NRIP1: variants seen among roughly 807,000 people sequenced by gnomAD.
NRIP1 encodes the protein nuclear receptor interacting protein 1.
In NRIP1, 28 loss-of-function variants were observed where a neutral mutation model predicts 75.0. The ratio of observed to expected loss-of-function variants is 0.37; its 90% CI spans 0.28 to 0.51. The LOEUF (loss-of-function observed/expected upper bound fraction) is 0.51. Ranked by LOEUF, NRIP1 falls within the 20% of genes least tolerant of loss-of-function variation. The pLI is 0.92. For synonymous variants in NRIP1, 526 were observed against 487.6 expected (o/e 1.08, Z -1.04); for missense variants, 1,435 against 1,343.7 (o/e 1.07, Z -1.06).
Position 15,047,323 on chromosome 21 carries a change from C to T in NRIP1, c.-537-3749G>A, listed in dbSNP as rs566487442. ...TTGGGAGGCCGAGGCAGGCAGATCA[C>T]GAGGTCAGGAGACAGAGACCATCCT... is the stretch of plus-strand genomic sequence containing the variant. On this transcript the variant is annotated intron_variant, in intron 1 of 3. Coordinates refer to ENST00000318948, the MANE Select transcript of NRIP1 (RefSeq NM_003489.4). Among the ~76,000 whole-genome samples the T allele has an allele frequency of 2.6e-3, 390 of 152,180 alleles. 2 individuals are homozygous for T. The highest frequency in any genetic ancestry group is 8.8e-3 in the African/African-American group (365 of 41,510).
rs370744179 is a variant in NRIP1, at chr21:14,965,988, A to G, written c.2205T>C (p.Asp735=). The G allele has an allele frequency of 1.3e-5, 21 of 1,613,356 alleles. No individual in the cohort carries two copies. The highest frequency in any genetic ancestry group is 6.7e-5 in the African/African-American group (5 of 74,808). ...SEKKEKTPLR[D]ESTQEHSERA... is the part of the protein sequence containing the mutation. The stretch of plus-strand genomic sequence containing the variant: ...TCTCTGAGTGTTCCTGAGTACTTTC[A>G]TCTCTTAAGGGAGTTTTCTCTTTTT... The change falls in exon 4 of 4, where the codon GAT becomes GAC. Residue 735 remains aspartate, a synonymous_variant. Coordinates refer to ENST00000318948, the MANE Select transcript of NRIP1 (RefSeq NM_003489.4).
chr21:15,064,079 CAGA>C (rs1978601859), intron 1 of NRIP1, among the ~76,000 whole-genome samples: 1 of 152,256 alleles, frequency 6.6e-6, no homozygotes, highest in African/African-American at 2.4e-5. Flanking sequence ...AAGGTGGACA[CAGA>C]AGAAGGGAGA....
chr21:15,012,873 A>G (rs540268637), intron 3 of NRIP1, among the ~76,000 whole-genome samples: 1 of 152,322 alleles, frequency 6.6e-6, no homozygotes, highest in East Asian at 1.9e-4. Flanking sequence ...AGTTGGATCC[A>G]GTGAGCATTG....
At position 15,056,737 on chromosome 21, in the gene NRIP1, G is replaced by GA. The variant is rs528123599; in HGVS notation, c.-538+8007dup. Among the ~76,000 whole-genome samples, 10 of 152,158 alleles carry GA rather than the reference G, an allele frequency of 6.6e-5. No homozygotes were observed. The South Asian group carries it at 2.1e-3, about 32-fold the overall frequency. On this transcript the variant is annotated intron_variant, in intron 1 of 3. Transcript: ENST00000318948. Reference sequence around the variant, plus strand: ...GCAACTCAAAATCCAAAGCACCCTAGAAAATATTATGTTTACACGTCTTAT... The same window carrying GA: ...GCAACTCAAAATCCAAAGCACCCTAGAAAAATATTATGTTTACACGTCTTAT...
chr21:14,999,842 C>A (rs1433759389), intron 3 of NRIP1, among the ~76,000 whole-genome samples: 1 of 152,116 alleles, frequency 6.6e-6, no homozygotes. Context: ...AAATTAATAG[C>A]CATAATAACA....
At chr21:14,998,598 A>G (rs944647368) in intron 3 of NRIP1, among the ~76,000 whole-genome samples, 2 of 152,192 alleles carry the variant, frequency 1.3e-5, no homozygotes, top group African/African-American at 4.8e-5. Context: ...GGGTCCACTT[A>G]TAAGCAAATT....
intron 3 of NRIP1, among the ~76,000 whole-genome samples, chr21:14,984,701 A>G (rs962030258): frequency 2.0e-5 from 3 of 152,210 alleles, no homozygotes; most frequent in Non-Finnish European, 4.4e-5. Flanking sequence ...GAAATATTCC[A>G]TGAAAGGATG....
intron 2 of NRIP1, among the ~76,000 whole-genome samples, chr21:15,015,700 A>T (rs1218626143): frequency 6.6e-6 from 1 of 152,138 alleles, no homozygotes; most frequent in East Asian, 1.9e-4. Flanking sequence ...TATATACTAT[A>T]TAAGTGATAA....
intron 3 of NRIP1, among the ~76,000 whole-genome samples, chr21:14,976,063 A>G (rs573165549): frequency 6.6e-6 from 1 of 152,264 alleles, no homozygotes; most frequent in South Asian, 2.1e-4. Flanking sequence ...AACTGAGTCC[A>G]AAGAACCCTG....
chr21:15,014,523 C>T, intron 2 of NRIP1, 57 bp from the exon 3 acceptor site: 3 of 398,198 alleles, frequency 7.5e-6, no homozygotes. Flanking sequence ...TCTGGAATAC[C>T]TTTTGATCAA....
chr21:15,031,607 T>C (rs2088694650), intron 2 of NRIP1, among the ~76,000 whole-genome samples: 1 of 128,868 alleles, frequency 7.8e-6, no homozygotes, highest in Non-Finnish European at 1.6e-5. Context: ...GATCACCACA[T>C]TCCCTTTCTA....
chr21:14,973,406 G>C (rs1032466272), intron 3 of NRIP1, among the ~76,000 whole-genome samples: 7 of 152,086 alleles, frequency 4.6e-5, no homozygotes, highest in Admixed American at 4.6e-4. Context: ...TAGGTTGGTA[G>C]ATATGACATG....
At chr21:15,043,917 C>T (rs2089013840) in intron 1 of NRIP1, among the ~76,000 whole-genome samples, 1 of 152,162 alleles carries the variant, frequency 6.6e-6, no homozygotes, top group Non-Finnish European at 1.5e-5. Flanking sequence ...CTTCCAGGTC[C>T]AAGCGATTCT....
intron 1 of NRIP1, among the ~76,000 whole-genome samples, chr21:15,062,580 C>T (rs771950963): frequency 3.6e-4 from 55 of 152,202 alleles, no homozygotes; most frequent in Non-Finnish European, 6.8e-4. Context: ...ATTTTCAATT[C>T]TAAAGGTGGC....
At position 14,968,085 on chromosome 21, in the gene NRIP1, G is replaced by A. The variant is rs183079681; in HGVS notation, c.108C>T (p.Ala36=). Residue 36 remains alanine, a synonymous_variant, in exon 4 of 4, where the codon GCC becomes GCT. Coordinates refer to ENST00000318948, the MANE Select transcript of NRIP1 (RefSeq NM_003489.4). The stretch of plus-strand genomic sequence containing the variant: ...TATGCCCAGCAGACTTTTTGTCAAC[G>A]GCAGTACCTGATCCCCCTGCTGCCT... ...MHQAAGGSGT[A]VDKKSAGHNE... 6.6e-5 allele frequency: 106 copies of A among 1,613,996 alleles called. No homozygotes were observed. In the African/African-American group the frequency reaches 1.0e-3, roughly 16 times the overall value.
At position 14,965,366 on chromosome 21, in the gene NRIP1, C is replaced by G. The variant is rs770536916; in HGVS notation, c.2827G>C (p.Glu943Gln). Residue 943 changes from glutamate (E) to glutamine (Q), a missense_variant, in exon 4 of 4, where the codon GAA becomes CAA. Physicochemically the swap from Glu to Gln is conservative, Grantham distance 29. Transcript: ENST00000318948. ...GGGGACAAATCTCGCACACAGTTTT[C>G]TGAGAGAAGCAGCTGTTTCAGAACA... ...FNVLKQLLLS[E>Q]NCVRDLSPHR... 1.9e-6 allele frequency: 3 copies of G among 1,614,080 alleles called. No individual in the cohort carries two copies. The South Asian group carries it at 3.3e-5, about 18-fold the overall frequency.
At chr21:15,028,955 C>T (rs1298251167) in intron 2 of NRIP1, among the ~76,000 whole-genome samples, 2 of 151,994 alleles carry the variant, frequency 1.3e-5, no homozygotes, top group East Asian at 3.9e-4. Flanking sequence ...AATCTCAGAT[C>T]AGCTCCATTC....
At chr21:15,056,561 TC>T (rs1289160483) in intron 1 of NRIP1, among the ~76,000 whole-genome samples, 8 of 152,196 alleles carry the variant, frequency 5.3e-5, no homozygotes, top group African/African-American at 1.9e-4. Flanking sequence ...TTCATTCTGA[TC>T]TTTAGGAAGA....
At chr21:15,027,241 A>T (rs1172335561) in intron 2 of NRIP1, among the ~76,000 whole-genome samples, 1 of 152,210 alleles carries the variant, frequency 6.6e-6, no homozygotes, top group Non-Finnish European at 1.5e-5. Flanking sequence ...CGACAGATTC[A>T]GCTGTGGTAG....
Sources: allele counts gnomAD v4.1 joint callset (sites outside exome capture counted in the v4.1 genomes callset), GRCh38; gene constraint gnomAD v4.1.1; transcripts MANE v1.5; gene names NCBI Gene and HGNC (gene_info 2026-07-23, HGNC 2026-07-21).